RORB: variants seen among roughly 807,000 people sequenced by gnomAD.
The protein encoded by RORB is RAR related orphan receptor B.
RORB carries 6 observed loss-of-function variants against 59.1 expected under a neutral mutation model. The ratio of observed to expected loss-of-function variants is 0.10; its 90% CI spans 0.06 to 0.20. The LOEUF is 0.20. RORB is among the 10% of genes least tolerant of loss of function. The pLI, the probability that RORB is intolerant of heterozygous loss-of-function variation, is 1.00. For missense variants in RORB, 320 were observed against 560.5 expected (o/e 0.57, Z 4.33); for synonymous variants, 215 against 204.5 (o/e 1.05, Z -0.44).
chr9:74,624,275 A>T (rs150016951), intron 1 of RORB, among the ~76,000 whole-genome samples: 84 of 152,328 alleles, frequency 5.5e-4, no homozygotes, highest in African/African-American at 1.8e-3. Context: ...CACCACCCAG[A>T]GTATTACAGA....
rs184795487 is a variant in RORB, at chr9:74,649,140, G to A, written c.637+6325G>A. ...AACTTTTGTGTTTTTAGTAGAGACA[G>A]GGTTTCACCATGTTGACTAGGCTGG... On this transcript the variant is annotated intron_variant, in intron 4 of 9. Coordinates refer to ENST00000376896, the MANE Select transcript of RORB (RefSeq NM_006914.4). 2.0e-5 allele frequency among the ~76,000 whole-genome samples: 3 copies of A among 152,104 alleles called. No homozygotes were observed. In the East Asian group the frequency reaches 5.8e-4, roughly 29 times the overall value.
At chr9:74,578,583 G>C (rs1309634763) in intron 1 of RORB, among the ~76,000 whole-genome samples, 7 of 152,112 alleles carry the variant, frequency 4.6e-5, no homozygotes, top group Admixed American at 4.6e-4. Context: ...AGACGACCAA[G>C]TGATACAGTT....
chr9:74,634,778 A>G lies in RORB; in HGVS notation c.235+6A>G, dbSNP rs765783791. ...CCTAGGAATGTCAAGAGATGGTAAGACATTACCTTCCTGTTTCTTACTTAA... is the reference window on the plus strand; with the variant it reads ...CCTAGGAATGTCAAGAGATGGTAAGGCATTACCTTCCTGTTTCTTACTTAA... On this transcript the variant is annotated splice_donor_region_variant and intron_variant, in intron 3 of 9. Coordinates refer to ENST00000376896, the MANE Select transcript of RORB (RefSeq NM_006914.4). 4 of 1,608,896 alleles carry G rather than the reference A, an allele frequency of 2.5e-6. No individual in the cohort carries two copies. The East Asian group carries it at 8.9e-5, about 36-fold the overall frequency.
intron 1 of RORB, among the ~76,000 whole-genome samples, chr9:74,556,696 G>A (rs1822294201): frequency 6.6e-6 from 1 of 152,144 alleles, no homozygotes; most frequent in South Asian, 2.1e-4. Flanking sequence ...AATTCACCAG[G>A]AAAGTCATTC....
intron 1 of RORB, among the ~76,000 whole-genome samples, chr9:74,619,540 C>G (rs1043764642): frequency 6.6e-6 from 1 of 152,188 alleles, no homozygotes. Flanking sequence ...CAACCTCTGC[C>G]TCCCAGGTTC....
chr9:74,540,143 C>T (rs569335075), intron 1 of RORB, among the ~76,000 whole-genome samples: 49 of 152,066 alleles, frequency 3.2e-4, no homozygotes, highest in Non-Finnish European at 6.6e-4. Context: ...AAGCTGTATA[C>T]TTTTTTAAAA....
At chr9:74,672,994 T>A (rs553581305) in intron 9 of RORB, among the ~76,000 whole-genome samples, 1 of 152,340 alleles carries the variant, frequency 6.6e-6, no homozygotes, top group East Asian at 1.9e-4. Flanking sequence ...AAAACCTCCA[T>A]GAGTTAAATA....
chr9:74,592,398 C>T (rs897982694), intron 1 of RORB, among the ~76,000 whole-genome samples: 25 of 152,186 alleles, frequency 1.6e-4, no homozygotes, highest in African/African-American at 5.5e-4. Flanking sequence ...TGGTTGACCA[C>T]CAAGTACTTT....
chr9:74,635,207 A>G (rs1156538937), intron 3 of RORB, among the ~76,000 whole-genome samples: 1 of 152,190 alleles, frequency 6.6e-6, no homozygotes, highest in East Asian at 1.9e-4. Context: ...AAGGAATTGC[A>G]TATGCCTCTA....
intron 1 of RORB, among the ~76,000 whole-genome samples, chr9:74,549,591 AG>A (rs1826567647): frequency 7.2e-5 from 5 of 69,772 alleles, no homozygotes; most frequent in African/African-American, 3.0e-4. Context: ...GAAGGAAGGA[AG>A]GAAGGAAGGA....
In RORB at chr9:74,679,414, T is replaced by G. The variant is rs139165146; in HGVS notation, c.1225-6049T>G. Among the ~76,000 whole-genome samples, 302 of 152,314 alleles carry G rather than the reference T, an allele frequency of 2.0e-3. 1 individual carries two copies. The highest frequency in any genetic ancestry group is 6.8e-3 in the African/African-American group (281 of 41,572). ...AAAACTGGCATCCCCAAAGCTTCCC[T>G]CAGGCTTCCTCCCAACAGTAAATAT... On this transcript the variant is annotated intron_variant, in intron 9 of 9. Coordinates refer to ENST00000376896, the MANE Select transcript of RORB (RefSeq NM_006914.4).
chr9:74,624,947 A>G (rs901000281), intron 1 of RORB, among the ~76,000 whole-genome samples: 2 of 152,222 alleles, frequency 1.3e-5, no homozygotes, highest in African/African-American at 4.8e-5. Context: ...TAACAGGTGA[A>G]TCCAATGTCC....
chr9:74,563,942 C>G (rs919344147), intron 1 of RORB, among the ~76,000 whole-genome samples: 4 of 152,198 alleles, frequency 2.6e-5, no homozygotes, highest in Non-Finnish European at 5.9e-5. Flanking sequence ...TAAGTGCCAG[C>G]CTTCTGAGGC....
At chr9:74,674,302 G>C (rs1824398099) in intron 9 of RORB, among the ~76,000 whole-genome samples, 1 of 152,124 alleles carries the variant, frequency 6.6e-6, no homozygotes, top group Admixed American at 6.6e-5. Flanking sequence ...CTGAATATTT[G>C]TTATTCATAG....
intron 1 of RORB, among the ~76,000 whole-genome samples, chr9:74,589,717 A>G (rs987900138): frequency 3.3e-5 from 5 of 152,184 alleles, no homozygotes; most frequent in African/African-American, 1.2e-4. Context: ...GTGCCCTCGC[A>G]TGAACCCCAC....
chr9:74,558,657 T>G (rs543190073), intron 1 of RORB, among the ~76,000 whole-genome samples: 1 of 150,226 alleles, frequency 6.7e-6, no homozygotes, highest in African/African-American at 2.4e-5. Flanking sequence ...AGCAATGCAA[T>G]GTAAGAAGAA....
chr9:74,565,564 C>T (rs1822457913), intron 1 of RORB, among the ~76,000 whole-genome samples: 2 of 152,164 alleles, frequency 1.3e-5, no homozygotes, highest in South Asian at 2.1e-4. Flanking sequence ...GATAAGTAGA[C>T]GTGTGACCCC....
At chr9:74,674,758 G>GA (rs35732895) in intron 9 of RORB, among the ~76,000 whole-genome samples, 68 of 150,110 alleles carry the variant, frequency 4.5e-4, no homozygotes, top group Middle Eastern at 6.8e-3. Flanking sequence ...TTGGTTAGGG[G>GA]AAAAAAAAAC....
intron 1 of RORB, 80 bp from the exon 2 acceptor site, chr9:74,630,202 A>T: frequency 1.3e-6 from 2 of 1,554,346 alleles, no homozygotes; most frequent in Non-Finnish European, 8.7e-7. Flanking sequence ...CAAGGCAGAG[A>T]TAGATGGGGA....
Sources: gnomAD v4.1 joint callset for allele counts (sites outside exome capture counted in the v4.1 genomes callset) on GRCh38, gnomAD v4.1.1 for gene constraint, MANE v1.5 for transcripts, NCBI Gene and HGNC (gene_info 2026-07-23, HGNC 2026-07-21) for gene names.